The following H6PD variants were observed in gnomAD, a reference collection of about 807,000 sequenced individuals.
The protein encoded by H6PD is GDH/6PGL endoplasmic bifunctional protein.
Under a neutral mutation model 61.2 loss-of-function variants are expected in H6PD, and 48 were observed. The ratio of observed to expected loss-of-function variants is 0.78; its 90% CI spans 0.62 to 1.00. The LOEUF (loss-of-function observed/expected upper bound fraction) is 1.00, where lower values mean the gene tolerates loss of function less well. Ranked by LOEUF, H6PD falls within the 50% of genes least tolerant of loss-of-function variation. H6PD has a pLI of 0.00. For synonymous variants in H6PD, 480 were observed against 457.9 expected, an observed-to-expected ratio of 1.05 and a Z score of -0.62; for missense variants, 1,093 against 1,065.0, an observed-to-expected ratio of 1.03 and a Z score of -0.37.
chr1:9,264,604 C>G lies in H6PD; in HGVS notation c.2111C>G (p.Pro704Arg). The G allele has an allele frequency of 6.2e-7, 1 of 1,613,234 alleles. No individual in the cohort carries two copies. ...GACGGGCACACAGCCTCCCTCTTCCCACAGTCACCCACTGGCCTGGATGGC... is the reference window on the plus strand; with the variant it reads ...GACGGGCACACAGCCTCCCTCTTCCGACAGTCACCCACTGGCCTGGATGGC... ...GADGHTASLF[P>R]QSPTGLDGEQ... Residue 704 changes from proline to arginine, a missense_variant, in exon 5 of 5, where the codon CCA becomes CGA. Physicochemically the swap from Pro to Arg is moderately radical, Grantham distance 103. Coordinates refer to ENST00000377403, the MANE Select transcript of H6PD (RefSeq NM_004285.4).
At chr1:9,244,839 G>C in intron 1 of H6PD, 86 bp from the exon 2 acceptor site, 5 of 1,231,004 alleles carry the variant, frequency 4.1e-6, no homozygotes, top group Non-Finnish European at 6.0e-6. Flanking sequence ...TTCTTGCCAG[G>C]CAGGAAGTGT....
chr1:9,241,455 G>A (rs1223369398), intron 1 of H6PD, among the ~76,000 whole-genome samples: 1 of 152,086 alleles, frequency 6.6e-6, no homozygotes, highest in African/African-American at 2.4e-5. Context: ...CCAGGCTGGA[G>A]TGCAGTGGTG....
rs200049650 is a variant in H6PD, at chr1:9,262,085, G to A, written c.772G>A (p.Gly258Ser). Residue 258 changes from glycine to serine, a missense_variant, in exon 4 of 5, where the codon GGT (glycine) becomes AGT (serine). Physicochemically the swap from Gly to Ser is moderately conservative, Grantham distance 56 (BLOSUM62 0). Coordinates refer to ENST00000377403, the MANE Select transcript of H6PD (RefSeq NM_004285.4). ...CCGCACCAGCTTCTATGAGGAGTACGGTGTCATTCGCGACGTCCTCCAGAA... is the reference window on the plus strand; with the variant it reads ...CCGCACCAGCTTCTATGAGGAGTACAGTGTCATTCGCGACGTCCTCCAGAA... ...EGRTSFYEEY[G>S]VIRDVLQNHL... 6 of 1,614,170 alleles carry A rather than the reference G, an allele frequency of 3.7e-6. No individual in the cohort carries two copies. The highest frequency in any genetic ancestry group is 2.2e-5 in the East Asian group (1 of 44,882).
intron 3 of H6PD, among the ~76,000 whole-genome samples, chr1:9,258,837 T>C (rs1641615253): frequency 6.6e-6 from 1 of 151,644 alleles, no homozygotes. Context: ...TGTTATGTTG[T>C]TGTTATGCTG....
chr1:9,235,408 A>T (rs1310373248), intron 1 of H6PD, among the ~76,000 whole-genome samples: 2 of 151,960 alleles, frequency 1.3e-5, no homozygotes, highest in Admixed American at 6.6e-5. Context: ...TCCAGGGGCA[A>T]ACCTCTCTGG....
At chr1:9,244,536 G>A (rs1356700687) in intron 1 of H6PD, among the ~76,000 whole-genome samples, 2 of 152,202 alleles carry the variant, frequency 1.3e-5, no homozygotes, top group Non-Finnish European at 2.9e-5. Flanking sequence ...CCTAGGCTGG[G>A]GCTGCCCTGC....
intron 3 of H6PD, 71 bp from the exon 4 acceptor site, chr1:9,261,988 T>C: frequency 1.3e-6 from 2 of 1,507,810 alleles, no homozygotes; most frequent in Non-Finnish European, 1.8e-6. Context: ...GGGGTTTTGG[T>C]GCACCTCGGG....
rs2100295418 is a variant in H6PD, at chr1:9,234,927, G to A, written c.-150G>A. 6.8e-6 allele frequency: 1 copy of A among 148,008 alleles called. No homozygotes were observed. The highest frequency in any genetic ancestry group is 2.0e-4 in the East Asian group (1 of 5,096). 9.2% of individuals were successfully genotyped at this position (148,008 alleles called of 1,614,324 possible). ...CGTGCGGCGCGTGGCCGCGTGACAC[G>A]CGCACTTGTCGGAGTGACGGGCCCT... On this transcript the variant is annotated 5_prime_UTR_variant, in exon 1 of 5. Transcript: ENST00000377403.
At chr1:9,249,225 C>T (rs889388714) in intron 3 of H6PD, among the ~76,000 whole-genome samples, 1 of 152,190 alleles carries the variant, frequency 6.6e-6, no homozygotes, top group African/African-American at 2.4e-5. Context: ...CCCTCCCACC[C>T]TGTTTCCTTC....
intron 1 of H6PD, among the ~76,000 whole-genome samples, chr1:9,238,907 T>C (rs972631884): frequency 6.6e-6 from 1 of 152,184 alleles, no homozygotes; most frequent in African/African-American, 2.4e-5. Flanking sequence ...GTTGGCCAAC[T>C]TCAAATACAC....
chr1:9,252,670 C>T (rs1052676439), intron 3 of H6PD, among the ~76,000 whole-genome samples: 38 of 152,242 alleles, frequency 2.5e-4, no homozygotes, highest in African/African-American at 8.7e-4. Context: ...CTATCTAATT[C>T]GAGAACATTT....
chr1:9,265,469 A>T lies in H6PD; in HGVS notation c.*600A>T, dbSNP rs1272565965. 4.8e-5 allele frequency: 8 copies of T among 168,132 alleles called. No homozygotes were observed. The highest frequency in any genetic ancestry group is 7.8e-5 in the Non-Finnish European group (6 of 76,674). 10.4% of individuals were successfully genotyped at this position (168,132 alleles called of 1,614,324 possible). ...CATCTAGCCTCTGGCCCTCCTCTTC[A>T]CTGCCTCCACCTGCTCCCGCTTGCC... is the stretch of plus-strand genomic sequence containing the variant. On this transcript the variant is annotated 3_prime_UTR_variant, in exon 5 of 5. Coordinates refer to ENST00000377403, the MANE Select transcript of H6PD (RefSeq NM_004285.4).
chr1:9,247,723 A>T (rs988580482), intron 3 of H6PD, among the ~76,000 whole-genome samples: 5 of 152,034 alleles, frequency 3.3e-5, no homozygotes, highest in African/African-American at 1.2e-4. Context: ...TACACCCGGG[A>T]GGCGGGGGCC....
chr1:9,256,047 C>T (rs1641507161), intron 3 of H6PD, among the ~76,000 whole-genome samples: 2 of 152,260 alleles, frequency 1.3e-5, no homozygotes, highest in Admixed American at 1.3e-4. Flanking sequence ...CTGTGTGTGA[C>T]CTTGGGTAAG....
Position 9,264,643 on chromosome 1 carries a change from T to G in H6PD, c.2150T>G (p.Val717Gly), listed in dbSNP as rs1167904902. The G allele has an allele frequency of 1.2e-6, 2 of 1,612,984 alleles. No homozygotes were observed. The highest frequency in any genetic ancestry group is 1.7e-6 in the Non-Finnish European group (2 of 1,179,924). Residue 717 changes from valine to glycine, a missense_variant, in exon 5 of 5, where the codon GTG becomes GGG. Transcript: ENST00000377403. Reference sequence around the variant, plus strand: ...GGCCTGGATGGCGAGCAGCTGGTCGTGCTGACCACGAGCCCCTCCCAGCCA... The same window carrying G: ...GGCCTGGATGGCGAGCAGCTGGTCGGGCTGACCACGAGCCCCTCCCAGCCA... Reference protein sequence around the residue: ...PTGLDGEQLVVLTTSPSQPHR... With the variant: ...PTGLDGEQLVGLTTSPSQPHR...
intron 1 of H6PD, among the ~76,000 whole-genome samples, chr1:9,243,838 C>T (rs537960054): frequency 6.6e-4 from 86 of 130,062 alleles, no homozygotes; most frequent in African/African-American, 2.5e-3. Flanking sequence ...CCCTCTTGGA[C>T]ATGAATTTTG....
In H6PD at chr1:9,264,370, T is replaced by C. The variant is rs745471447; in HGVS notation, c.1877T>C (p.Leu626Pro). ...CTGGTTGACGAGCGCTGCGTCCCAC[T>C]CTCAGACCCGGAGTCCAACTTCCAG... Reference protein sequence around the residue: ...LWLVDERCVPLSDPESNFQGL... With the variant: ...LWLVDERCVPPSDPESNFQGL... The change falls in exon 5 of 5, where the codon CTC (leucine) becomes CCC (proline). Residue 626 changes from leucine to proline, a missense_variant. Coordinates refer to ENST00000377403, the MANE Select transcript of H6PD (RefSeq NM_004285.4). 6.2e-7 allele frequency: 1 copy of C among 1,612,800 alleles called. No homozygotes were observed. Among genetic ancestry groups the C allele is most frequent in the Non-Finnish European group, 8.5e-7 (1 of 1,179,940 alleles).
In H6PD at chr1:9,242,582, AGGGCCAGG is replaced by A. The variant is rs1418431859; in HGVS notation, c.-10-2342_-10-2335del. Reference sequence around the variant, plus strand: ...TCAGAGTCAGAACAGGATTAAAGAGAGGGCCAGGAGTCAGTTCAGGCCAGGTGGCCATC... The same window carrying A: ...TCAGAGTCAGAACAGGATTAAAGAGAAGTCAGTTCAGGCCAGGTGGCCATC... On this transcript the variant is annotated intron_variant, in intron 1 of 4. Transcript: ENST00000377403. 3 of 985,294 alleles carry A rather than the reference AGGGCCAGG, an allele frequency of 3.0e-6. No homozygotes were observed. The African/African-American group carries it at 5.2e-5, about 17-fold the overall frequency. 61.0% of individuals were successfully genotyped at this position (985,294 alleles called of 1,614,324 possible). A position where few individuals can be genotyped will look rare whatever the true frequency, so the allele number is the denominator to read the frequency against.
intron 1 of H6PD, among the ~76,000 whole-genome samples, chr1:9,236,591 C>T (rs1203896884): frequency 6.6e-6 from 1 of 151,844 alleles, no homozygotes; most frequent in African/African-American, 2.4e-5. Flanking sequence ...ACCGCCCTGC[C>T]TCCGGTGACG....
Sources: gnomAD v4.1 joint callset for allele counts (sites outside exome capture counted in the v4.1 genomes callset) on GRCh38, gnomAD v4.1.1 for gene constraint, MANE v1.5 for transcripts, NCBI Gene and HGNC (gene_info 2026-07-23, HGNC 2026-07-21) for gene names.